The following RIIAD1 variants were observed in gnomAD, a reference collection of about 807,000 sequenced individuals.
The protein encoded by RIIAD1 is RIIa domain-containing protein 1.
In RIIAD1, 15 loss-of-function variants were observed where a neutral mutation model predicts 13.3. The observed-to-expected ratio is 1.13, with a 90% CI of 0.76 to 1.74. The LOEUF (loss-of-function observed/expected upper bound fraction) is 1.74, where lower values mean the gene tolerates loss of function less well. Among genes scored for constraint, RIIAD1 ranks in the 40% most tolerant of loss-of-function variants. RIIAD1 has a pLI of 0.00. For missense variants in RIIAD1, 121 were observed against 112.2 expected, an observed-to-expected ratio of 1.08 and a Z score of -0.35; for synonymous variants, 50 against 43.3, an observed-to-expected ratio of 1.16 and a Z score of -0.61.
chr1:151,724,129 CTT>C (rs1048978948), intron 2 of RIIAD1, among the ~76,000 whole-genome samples: 5 of 152,220 alleles, frequency 3.3e-5, no homozygotes, highest in African/African-American at 1.2e-4. Flanking sequence ...TTGATTCTCT[CTT>C]TGTCCAGGAA....
exon 3 of RIIAD1, chr1:151,713,531 T>C (rs1379367946): frequency 6.6e-6 from 1 of 152,092 alleles, no homozygotes; most frequent in East Asian, 1.9e-4. Flanking sequence ...AACTGTTGAT[T>C]TGTGAGGGGC....
At chr1:151,726,119 C>T (rs995405531) in intron 2 of RIIAD1, among the ~76,000 whole-genome samples, 11 of 152,156 alleles carry the variant, frequency 7.2e-5, no homozygotes, top group Admixed American at 6.5e-4. Flanking sequence ...GTTTTTGTCC[C>T]TCAACCCTCA....
chr1:151,728,849 T>G lies in RIIAD1; in HGVS notation c.*13T>G. 1.4e-6 allele frequency: 2 copies of G among 1,475,852 alleles called. No individual in the cohort carries two copies. Among genetic ancestry groups the G allele is most frequent in the Non-Finnish European group, 1.9e-6 (2 of 1,078,112 alleles). The allele number at this position is 1,475,852 out of a possible 1,614,324, so 91.4% of individuals were successfully genotyped here. ...GAAAGCGGCTTAATTAGCAAAATCA[T>G]GATGCTCAGCTGTTGGGAGAGACCA... is the stretch of plus-strand genomic sequence containing the variant. On this transcript the variant is annotated 3_prime_UTR_variant, in exon 4 of 5. Coordinates refer to ENST00000479191, the MANE Select transcript of RIIAD1 (RefSeq NM_001144956.3).
At chr1:151,716,149 A>C in intron 4 of RIIAD1, 1 of 919,026 alleles carries the variant, frequency 1.1e-6, no homozygotes, top group Non-Finnish European at 1.6e-6. Flanking sequence ...TTTGGCCCCC[A>C]ACCACGCTGC....
At chr1:151,716,669 GC>G, upstream of RIIAD1, 1 of 116,314 alleles carries the variant, frequency 8.6e-6, no homozygotes, top group South Asian at 8.6e-5. Context: ...CCTCCCCTCA[GC>G]CCCCCTCCCA....
At chr1:151,715,614 C>T in intron 4 of RIIAD1, 2 of 1,458,488 alleles carry the variant, frequency 1.4e-6, no homozygotes, top group Non-Finnish European at 1.8e-6. Flanking sequence ...ATGACATCAA[C>T]ACACCCATAT....
At chr1:151,721,450 G>A (rs1673732218), upstream of RIIAD1, 11 of 790,262 alleles carry the variant, frequency 1.4e-5, no homozygotes, top group Non-Finnish European at 1.2e-5. Flanking sequence ...CCCCTGCTTC[G>A]CTGAAGGGGC....
chr1:151,720,472 G>C (rs1173619459), upstream of RIIAD1, among the ~76,000 whole-genome samples: 5 of 152,208 alleles, frequency 3.3e-5, no homozygotes, highest in Non-Finnish European at 5.9e-5. Context: ...CCTGGGAAGT[G>C]GCTTGTAGCC....
intron 2 of RIIAD1, among the ~76,000 whole-genome samples, chr1:151,727,107 A>G (rs925395274): frequency 3.3e-5 from 5 of 152,146 alleles, no homozygotes; most frequent in African/African-American, 9.7e-5. Flanking sequence ...TGGGCCACAT[A>G]GTAAGACTCT....
intron 2 of RIIAD1, among the ~76,000 whole-genome samples, chr1:151,712,264 C>A (rs1310956660): frequency 1.3e-5 from 2 of 152,210 alleles, no homozygotes; most frequent in Non-Finnish European, 2.9e-5. Context: ...ATACCCCAAC[C>A]CAGTATAGCC....
At chr1:151,722,299 CT>C (rs781482168) in intron 2 of RIIAD1, 137 bp downstream of exon 2, 1 of 632,194 alleles carries the variant, frequency 1.6e-6, no homozygotes, top group Non-Finnish European at 2.8e-6. Context: ...AAATACATAC[CT>C]TATGACACTT....
intron 3 of RIIAD1, 48 bp from the exon 4 acceptor site, chr1:151,728,717 CT>C: frequency 8.7e-7 from 1 of 1,149,428 alleles, no homozygotes. Context: ...ATGGGTAAAT[CT>C]TTTCCCTTTG....
chr1:151,716,186 A>C, intron 4 of RIIAD1: 2 of 647,032 alleles, frequency 3.1e-6, no homozygotes, highest in Non-Finnish European at 5.1e-6. Flanking sequence ...TCTTCACACA[A>C]AGGAGGCCCA....
chr1:151,715,960 T>C, intron 4 of RIIAD1: 1 of 1,614,152 alleles, frequency 6.2e-7, no homozygotes. Context: ...TTCAGGTCCT[T>C]CTCCTCCAGA....
At chr1:151,714,184 TC>T (rs1261732291) in intron 3 of RIIAD1, among the ~76,000 whole-genome samples, 1 of 151,866 alleles carries the variant, frequency 6.6e-6, no homozygotes, top group African/African-American at 2.4e-5. Context: ...TGGGCACTCC[TC>T]CCTCATCTCA....
At chr1:151,725,369 C>T (rs150655049) in intron 2 of RIIAD1, among the ~76,000 whole-genome samples, 2,336 of 152,296 alleles carry the variant, frequency 0.015, 65 homozygotes, top group African/African-American at 0.054. Flanking sequence ...CTCGGCCTCC[C>T]AAAGTGCTGG....
chr1:151,713,385 C>T (rs1308852314), intron 2 of RIIAD1: 1 of 152,268 alleles, frequency 6.6e-6, no homozygotes, highest in Non-Finnish European at 1.5e-5. Flanking sequence ...GGGCTCATGC[C>T]CATCCCCAGG....
intron 4 of RIIAD1, chr1:151,716,484 A>G: frequency 3.3e-6 from 1 of 306,072 alleles, no homozygotes; most frequent in Non-Finnish European, 6.5e-6. Context: ...AGCGTCAGTA[A>G]GGGGGGCCCA....
chr1:151,713,583 G>T (rs1437691563), intron 3 of RIIAD1: 1 of 152,192 alleles, frequency 6.6e-6, no homozygotes, highest in Admixed American at 6.5e-5. Flanking sequence ...GGACTGGATG[G>T]GGACCAAGCT....
Sources: allele counts gnomAD v4.1 joint callset (sites outside exome capture counted in the v4.1 genomes callset), GRCh38; gene constraint gnomAD v4.1.1; transcripts MANE v1.5; gene names NCBI Gene and HGNC (gene_info 2026-07-23, HGNC 2026-07-21).